Variants in ACBD6 observed in about 807,000 individuals in gnomAD.
The protein encoded by ACBD6 is acyl-CoA-binding domain-containing protein 6.
ACBD6 carries 28 observed loss-of-function variants against 37.2 expected under a neutral mutation model. That is an observed-to-expected ratio of 0.75 (90% CI 0.56 to 1.03). The LOEUF (loss-of-function observed/expected upper bound fraction) is 1.03, where lower values mean the gene tolerates loss of function less well. Ranked by LOEUF, ACBD6 falls within the 50% of genes least tolerant of loss-of-function variation. ACBD6 has a pLI of 0.00. For synonymous variants in ACBD6, 113 were observed against 126.8 expected, an observed-to-expected ratio of 0.89 and a Z score of 0.73; for missense variants, 340 against 337.4, an observed-to-expected ratio of 1.01 and a Z score of -0.06.
At position 180,347,768 on chromosome 1, in the gene ACBD6, A is replaced by G. The variant is rs1041453690; in HGVS notation, c.664-33046T>C. On this transcript the variant is annotated intron_variant, in intron 6 of 7. Coordinates refer to ENST00000367595, the MANE Select transcript of ACBD6 (RefSeq NM_032360.4). ...GGGTGGATCACGAGGTCAAGAGATC[A>G]AGACCATCCTGGCTAACACGGTGAA... Among the ~76,000 whole-genome samples, 9 of 152,136 alleles carry G rather than the reference A, an allele frequency of 5.9e-5. No individual in the cohort carries two copies. The South Asian group carries it at 1.0e-3, about 18-fold the overall frequency.
chr1:180,328,347 C>T (rs1373909635), intron 6 of ACBD6, among the ~76,000 whole-genome samples: 1 of 151,512 alleles, frequency 6.6e-6, no homozygotes, highest in Non-Finnish European at 1.5e-5. Context: ...GTTCTTACAG[C>T]TTGTATATAT....
intron 3 of ACBD6, among the ~76,000 whole-genome samples, chr1:180,439,288 C>T (rs1649183814): frequency 6.6e-6 from 1 of 152,112 alleles, no homozygotes; most frequent in Non-Finnish European, 1.5e-5. Context: ...GAAGGCCCTA[C>T]TAAGACTGGG....
Position 180,350,022 on chromosome 1 carries a change from CCTTT to C in ACBD6, c.664-35304_664-35301del, listed in dbSNP as rs1218618660. ...AGGTGTTTCAGTCCTCTCCAGTGACCCTTTTTTTTTTTTTTTTTTTTTGAGCAGA... is the reference window on the plus strand; with the variant it reads ...AGGTGTTTCAGTCCTCTCCAGTGACCTTTTTTTTTTTTTTTTTTGAGCAGA... On this transcript the variant is annotated intron_variant, in intron 6 of 7. Coordinates refer to ENST00000367595, the MANE Select transcript of ACBD6 (RefSeq NM_032360.4). Among the ~76,000 whole-genome samples the C allele has an allele frequency of 5.3e-3, 702 of 131,466 alleles. 21 individuals are homozygous for C. Among genetic ancestry groups the C allele is most frequent in the African/African-American group, 8.6e-3 (288 of 33,618 alleles). The allele number at this position is 131,466 out of a possible 152,430, so 86.2% of individuals were successfully genotyped here. A position where few individuals can be genotyped will look rare whatever the true frequency, so the allele number is the denominator to read the frequency against.
intron 3 of ACBD6, among the ~76,000 whole-genome samples, chr1:180,450,677 G>A (rs12132837): frequency 0.49 from 73,873 of 151,926 alleles, 20,790 homozygotes; most frequent in South Asian, 0.66. Context: ...GAAGAATGGC[G>A]TGAAACCAGG....
intron 4 of ACBD6, among the ~76,000 whole-genome samples, chr1:180,427,019 T>C (rs998315477): frequency 6.6e-6 from 1 of 152,214 alleles, no homozygotes; most frequent in African/African-American, 2.4e-5. Flanking sequence ...CTCTGCAATA[T>C]TAACACAGAG....
intron 5 of ACBD6, among the ~76,000 whole-genome samples, chr1:180,408,105 C>T (rs981516994): frequency 6.6e-6 from 1 of 152,154 alleles, no homozygotes. Context: ...TGGTGTCACT[C>T]ATCTCATGAG....
chr1:180,450,279 T>C (rs1395066577), intron 3 of ACBD6, among the ~76,000 whole-genome samples: 3 of 152,354 alleles, frequency 2.0e-5, no homozygotes, highest in Middle Eastern at 6.8e-3. Flanking sequence ...GGTCACACTA[T>C]GCCTAAAACA....
At chr1:180,315,736 A>G (rs1650774013) in intron 6 of ACBD6, among the ~76,000 whole-genome samples, 1 of 152,200 alleles carries the variant, frequency 6.6e-6, no homozygotes, top group Non-Finnish European at 1.5e-5. Context: ...TGGTTCAGAT[A>G]GGTAGTAAGA....
At position 180,288,817 on chromosome 1, in the gene ACBD6, T is replaced by C. The variant is rs922258391; in HGVS notation, c.695-300A>G. Among the ~76,000 whole-genome samples, 30 of 152,112 alleles carry C rather than the reference T, an allele frequency of 2.0e-4. 1 individual carries two copies. Among genetic ancestry groups the C allele is most frequent in the Admixed American group, 1.6e-3 (25 of 15,266 alleles). ...TTAAGAATGGGATTAAGGAAAGGAA[T>C]AAAAAATAGTATTTAAGTATCTATT... On this transcript the variant is annotated intron_variant, in intron 7 of 7. Transcript: ENST00000367595.
At chr1:180,487,906 C>A (rs1031035641) in intron 3 of ACBD6, among the ~76,000 whole-genome samples, 3 of 152,186 alleles carry the variant, frequency 2.0e-5, no homozygotes, top group Non-Finnish European at 4.4e-5. Flanking sequence ...TGTTTTCCAA[C>A]TGATAGCAAT....
chr1:180,295,303 C>T (rs1649875773), intron 7 of ACBD6, among the ~76,000 whole-genome samples: 1 of 144,370 alleles, frequency 6.9e-6, no homozygotes, highest in African/African-American at 2.6e-5. Flanking sequence ...CGGAGTCTTG[C>T]TCTGTCGCCC....
intron 3 of ACBD6, among the ~76,000 whole-genome samples, chr1:180,481,883 G>A (rs112432274): frequency 2.0e-5 from 3 of 152,150 alleles, no homozygotes; most frequent in Non-Finnish European, 2.9e-5. Context: ...ACACAAAGGC[G>A]AATCTGACAC....
intron 5 of ACBD6, among the ~76,000 whole-genome samples, chr1:180,402,930 G>C (rs1647439424): frequency 6.6e-6 from 1 of 152,084 alleles, no homozygotes; most frequent in African/African-American, 2.4e-5. Flanking sequence ...AATAATAATA[G>C]GAAGTTGCCA....
At chr1:180,490,495 GC>G (rs994287842) in intron 3 of ACBD6, among the ~76,000 whole-genome samples, 14 of 150,744 alleles carry the variant, frequency 9.3e-5, no homozygotes, top group Non-Finnish European at 1.3e-4. Flanking sequence ...AAAAAAAGAG[GC>G]CAGGCGCAGT....
At chr1:180,373,213 ATTTT>A (rs1055201821) in intron 6 of ACBD6, among the ~76,000 whole-genome samples, 2 of 152,086 alleles carry the variant, frequency 1.3e-5, no homozygotes, top group African/African-American at 4.8e-5. Flanking sequence ...TACCTCATTT[ATTTT>A]TTATTTCTTT....
At chr1:180,474,583 C>G (rs970326060) in intron 3 of ACBD6, among the ~76,000 whole-genome samples, 1 of 152,168 alleles carries the variant, frequency 6.6e-6, no homozygotes, top group Non-Finnish European at 1.5e-5. Context: ...CTTAACCTCT[C>G]TGATCCTTAG....
chr1:180,449,593 C>T (rs909693178), intron 3 of ACBD6, among the ~76,000 whole-genome samples: 3 of 151,592 alleles, frequency 2.0e-5, no homozygotes, highest in African/African-American at 4.9e-5. Context: ...TTTTCAGTAG[C>T]GACAAGGTTT....
chr1:180,439,350 C>T (rs527974493), intron 3 of ACBD6, among the ~76,000 whole-genome samples: 2 of 152,088 alleles, frequency 1.3e-5, no homozygotes, highest in South Asian at 2.1e-4. Context: ...TGGGGGAGGC[C>T]GAGGCGGGTG....
chr1:180,383,614 C>T (rs912866931), intron 6 of ACBD6, among the ~76,000 whole-genome samples: 7 of 152,062 alleles, frequency 4.6e-5, no homozygotes, highest in Non-Finnish European at 8.8e-5. Flanking sequence ...TCTACAGATT[C>T]AATGCAACCC....
Sources: gnomAD v4.1 joint callset for allele counts (sites outside exome capture counted in the v4.1 genomes callset) on GRCh38, gnomAD v4.1.1 for gene constraint, MANE v1.5 for transcripts, NCBI Gene and HGNC (gene_info 2026-07-23, HGNC 2026-07-21) for gene names.